CAPN7: variants seen among roughly 807,000 people sequenced by gnomAD.
CAPN7 encodes calpain-7.
In CAPN7, 72 loss-of-function variants were observed where a neutral mutation model predicts 115.2. The ratio of observed to expected loss-of-function variants is 0.63; its 90% confidence interval spans 0.52 to 0.76. The LOEUF is 0.76. CAPN7 is among the 30% of genes least tolerant of loss of function. CAPN7 has a pLI of 0.00. For missense variants in CAPN7, 905 were observed against 971.5 expected (o/e 0.93, Z 0.91); for synonymous variants, 344 against 322.3 (o/e 1.07, Z -0.72).
At chr3:15,237,003 A>G (rs1385703161) in intron 12 of CAPN7, among the ~76,000 whole-genome samples, 1 of 152,212 alleles carries the variant, frequency 6.6e-6, no homozygotes, top group Non-Finnish European at 1.5e-5. Context: ...GAATTGTTCT[A>G]AGCCAGTCAA....
chr3:15,224,747 GAAA>G (rs536531349), intron 6 of CAPN7, among the ~76,000 whole-genome samples: 8 of 150,234 alleles, frequency 5.3e-5, no homozygotes, highest in African/African-American at 2.0e-4. Context: ...TTTATTATTA[GAAA>G]AAAAAAGCTG....
chr3:15,208,411 C>T (rs1385397567), intron 1 of CAPN7, among the ~76,000 whole-genome samples: 1 of 151,524 alleles, frequency 6.6e-6, no homozygotes, highest in Non-Finnish European at 1.5e-5. Context: ...CCTCAGTCTC[C>T]CAATTGGTGG....
At chr3:15,244,001 T>G (rs1695508778) in intron 16 of CAPN7, among the ~76,000 whole-genome samples, 1 of 152,232 alleles carries the variant, frequency 6.6e-6, no homozygotes, top group South Asian at 2.1e-4. Context: ...ATTGTTGACC[T>G]TGATAAGAAC....
At chr3:15,217,163 C>G (rs1161952037) in intron 2 of CAPN7, among the ~76,000 whole-genome samples, 1 of 151,222 alleles carries the variant, frequency 6.6e-6, no homozygotes, top group African/African-American at 2.4e-5. Context: ...GGGAGAATCT[C>G]TTGAGCCCGA....
chr3:15,240,145 A>G (rs534833178), intron 12 of CAPN7, among the ~76,000 whole-genome samples: 7 of 152,372 alleles, frequency 4.6e-5, no homozygotes, highest in African/African-American at 1.4e-4. Flanking sequence ...GGGCTGCCCA[A>G]TGCATTAGCC....
At chr3:15,222,816 T>C (rs1241413913) in intron 5 of CAPN7, among the ~76,000 whole-genome samples, 1 of 152,228 alleles carries the variant, frequency 6.6e-6, no homozygotes, top group African/African-American at 2.4e-5. Flanking sequence ...TCATTTCATC[T>C]ATTCCTGACT....
At position 15,242,241 on chromosome 3, in the gene CAPN7, G is replaced by C. The variant is rs775568075; in HGVS notation, c.1852G>C (p.Val618Leu). ...MVVYKTDGKKVYYPADPPPYI... is the reference protein window; with the variant it reads ...MVVYKTDGKKLYYPADPPPYI... ...TGTATACAAGACTGATGGGAAAAAAGTTTATTACCCAGGTATGTTTAGTAG... is the reference window on the plus strand; with the variant it reads ...TGTATACAAGACTGATGGGAAAAAACTTTATTACCCAGGTATGTTTAGTAG... Residue 618 changes from valine to leucine, a missense_variant, in exon 16 of 21, where the codon GTT (valine) becomes CTT (leucine). By Grantham distance (32) the Val-to-Leu change is conservative (BLOSUM62 1). Coordinates refer to ENST00000253693, the MANE Select transcript of CAPN7 (RefSeq NM_014296.3). 72 of 1,592,444 alleles carry C rather than the reference G, an allele frequency of 4.5e-5. No individual in the cohort carries two copies. Among genetic ancestry groups the C allele is most frequent in the Middle Eastern group, 1.7e-4 (1 of 6,040 alleles).
At chr3:15,217,667 A>G (rs1466625736) in intron 3 of CAPN7, 85 bp downstream of exon 3, 1 of 1,123,672 alleles carries the variant, frequency 8.9e-7, no homozygotes, top group East Asian at 2.6e-5. Flanking sequence ...CACCTTGAAT[A>G]AAAGAATTTT....
chr3:15,220,428 C>T (rs1199916422), intron 4 of CAPN7, among the ~76,000 whole-genome samples: 1 of 152,020 alleles, frequency 6.6e-6, no homozygotes, highest in East Asian at 1.9e-4. Flanking sequence ...GCATGTAATA[C>T]TTTCATCCTA....
intron 6 of CAPN7, among the ~76,000 whole-genome samples, chr3:15,226,499 G>A (rs826425): frequency 0.11 from 17,213 of 152,136 alleles, 1,310 homozygotes; most frequent in Non-Finnish European, 0.17. Flanking sequence ...TCATATGACA[G>A]GTTAATAATA....
At chr3:15,207,179 C>T (rs59917016) in intron 1 of CAPN7, among the ~76,000 whole-genome samples, 7,401 of 152,176 alleles carry the variant, frequency 0.049, 617 homozygotes, top group African/African-American at 0.17. Flanking sequence ...CCTGTTGCTC[C>T]TAGGTTACAG....
At chr3:15,210,658 G>T in intron 1 of CAPN7, 2 of 367,652 alleles carry the variant, frequency 5.4e-6, no homozygotes, top group Admixed American at 3.3e-5. Context: ...GCAGTGGCCC[G>T]ATCACAGCTC....
At chr3:15,210,050 G>C (rs1029654329) in intron 1 of CAPN7, among the ~76,000 whole-genome samples, 1 of 152,020 alleles carries the variant, frequency 6.6e-6, no homozygotes, top group African/African-American at 2.4e-5. Flanking sequence ...ACCCAGGCTG[G>C]CGGGCAGTGG....
rs563084703 is a variant in CAPN7 at position 15,210,679 on chromosome 3, C to T, written c.103-1425C>T. The T allele has an allele frequency of 1.6e-5, 10 of 616,066 alleles. No homozygotes were observed. In the East Asian group the frequency reaches 7.3e-4, roughly 45 times the overall value. 38.2% of individuals were successfully genotyped at this position (616,066 alleles called of 1,614,324 possible). On this transcript the variant is annotated intron_variant, in intron 1 of 20. Coordinates refer to ENST00000253693, the MANE Select transcript of CAPN7 (RefSeq NM_014296.3). The stretch of plus-strand genomic sequence containing the variant: ...GCCCGATCACAGCTCACTGCAGCCT[C>T]CACCTCCCAGGGCTCAGGTGATCCT...
At chr3:15,238,177 G>A (rs1050231101) in intron 12 of CAPN7, among the ~76,000 whole-genome samples, 5 of 133,094 alleles carry the variant, frequency 3.8e-5, no homozygotes, top group African/African-American at 5.6e-5. Context: ...GCAGTGGCGC[G>A]GTCTCAGCTC....
intron 2 of CAPN7, among the ~76,000 whole-genome samples, chr3:15,217,083 A>G (rs1328663336): frequency 6.6e-6 from 1 of 151,876 alleles, no homozygotes; most frequent in Non-Finnish European, 1.5e-5. Flanking sequence ...ACAAAAAAAA[A>G]AAAAGAGAGA....
Position 15,252,622 on chromosome 3 carries a change from A to G in CAPN7, c.*1362A>G, listed in dbSNP as rs900475646. The stretch of plus-strand genomic sequence containing the variant: ...AAAGATCTTGTACAGGATGCAAACT[A>G]AAAACCTAATCCCTGCCATCAAATT... On this transcript the variant is annotated 3_prime_UTR_variant, in exon 21 of 21. Coordinates refer to ENST00000253693, the MANE Select transcript of CAPN7 (RefSeq NM_014296.3). 2 of 152,198 alleles carry G rather than the reference A, an allele frequency of 1.3e-5. No homozygotes were observed. The highest frequency in any genetic ancestry group is 4.8e-5 in the African/African-American group (2 of 41,414). 9.4% of individuals were successfully genotyped at this position (152,198 alleles called of 1,614,324 possible).
At chr3:15,222,442 G>A (rs182617266) in intron 5 of CAPN7, among the ~76,000 whole-genome samples, 14 of 152,284 alleles carry the variant, frequency 9.2e-5, no homozygotes, top group African/African-American at 2.9e-4. Flanking sequence ...TCATGTAGGT[G>A]TTCATCTTTT....
intron 12 of CAPN7, among the ~76,000 whole-genome samples, chr3:15,237,292 A>G (rs2124980677): frequency 6.6e-6 from 1 of 152,322 alleles, no homozygotes; most frequent in East Asian, 1.9e-4. Flanking sequence ...AAACACACAC[A>G]TTAGCCTAGG....
Sources: allele counts gnomAD v4.1 joint callset (sites outside exome capture counted in the v4.1 genomes callset), GRCh38; gene constraint gnomAD v4.1.1; transcripts MANE v1.5; gene names NCBI Gene and HGNC (gene_info 2026-07-23, HGNC 2026-07-21).